Variants in ETF1 observed in about 807,000 individuals in gnomAD.
ETF1 encodes the protein eukaryotic peptide chain release factor subunit 1.
A neutral mutation model predicts 55.1 loss-of-function variants in ETF1; 4 were observed. The ratio of observed to expected loss-of-function variants is 0.07; its 90% CI spans 0.04 to 0.17. The LOEUF (loss-of-function observed/expected upper bound fraction) is 0.17, where lower values mean the gene tolerates loss of function less well. Among genes scored for constraint, ETF1 ranks in the 10% least tolerant of loss-of-function variants. The pLI, the probability that ETF1 is intolerant of heterozygous loss-of-function variation, is 1.00. For synonymous variants in ETF1, 157 were observed against 182.3 expected (o/e 0.86, Z 1.12); for missense variants, 142 against 523.6 (o/e 0.27, Z 7.11).
chr5:138,528,283 G>C (rs1765560856), intron 2 of ETF1, among the ~76,000 whole-genome samples: 1 of 152,204 alleles, frequency 6.6e-6, no homozygotes, highest in Non-Finnish European at 1.5e-5. Flanking sequence ...AATTAACTGA[G>C]AGAACTCAAA....
intron 2 of ETF1, among the ~76,000 whole-genome samples, chr5:138,527,648 T>C (rs1216094929): frequency 6.6e-6 from 1 of 152,170 alleles, no homozygotes; most frequent in Admixed American, 6.6e-5. Flanking sequence ...GGTCCACTCA[T>C]GCACAGGGAG....
At chr5:138,526,194 C>A (rs1479458552) in intron 2 of ETF1, among the ~76,000 whole-genome samples, 2 of 152,050 alleles carry the variant, frequency 1.3e-5, no homozygotes, top group African/African-American at 4.8e-5. Context: ...TATCCAGAGT[C>A]CAGTGGAAGC....
chr5:138,542,972 C>A (rs1766250917), intron 1 of ETF1, 36 bp from the exon 2 acceptor site: 11 of 1,595,492 alleles, frequency 6.9e-6, no homozygotes, highest in African/African-American at 1.3e-5. Context: ...GACACCAAGA[C>A]CACAGAGTTA....
intron 2 of ETF1, among the ~76,000 whole-genome samples, chr5:138,538,947 G>A (rs181109657): frequency 6.6e-6 from 1 of 152,242 alleles, no homozygotes; most frequent in East Asian, 1.9e-4. Context: ...GGTTATATTT[G>A]GGGGCAGGAA....
chr5:138,508,631 C>T (rs1764646385), intron 10 of ETF1, 38 bp downstream of exon 10: 2 of 1,610,236 alleles, frequency 1.2e-6, no homozygotes, highest in Non-Finnish European at 1.7e-6. Context: ...TGACCTGAGA[C>T]CCTGGTTTTA....
chr5:138,512,225 A>AAAT (rs1764823149), intron 6 of ETF1, among the ~76,000 whole-genome samples: 1 of 44,128 alleles, frequency 2.3e-5, no homozygotes, highest in Non-Finnish European at 3.4e-5. Flanking sequence ...AAAAAAAAAA[A>AAAT]ATATATATAT....
chr5:138,514,560 A>C (rs1449348997), intron 4 of ETF1, among the ~76,000 whole-genome samples: 1 of 149,126 alleles, frequency 6.7e-6, no homozygotes, highest in African/African-American at 2.5e-5. Context: ...AAAAACTTTA[A>C]CTTGTTCCTT....
chr5:138,540,931 A>C (rs1368029684), intron 2 of ETF1, among the ~76,000 whole-genome samples: 1 of 152,256 alleles, frequency 6.6e-6, no homozygotes, highest in East Asian at 1.9e-4. Flanking sequence ...GCTGTTACTT[A>C]TTAAGCAATG....
intron 2 of ETF1, among the ~76,000 whole-genome samples, chr5:138,522,984 C>T (rs1765296582): frequency 2.0e-5 from 3 of 150,562 alleles, no homozygotes; most frequent in East Asian, 2.0e-4. Context: ...CTGGTTGGGG[C>T]GAAAGAGCAA....
intron 2 of ETF1, among the ~76,000 whole-genome samples, chr5:138,526,260 G>A (rs1055702572): frequency 9.2e-5 from 14 of 152,144 alleles, no homozygotes; most frequent in African/African-American, 3.1e-4. Context: ...ATGGGCTTAC[G>A]TGTTAAGTGA....
Position 138,513,617 on chromosome 5 carries a change from G to A in ETF1, c.492C>T (p.Asn164=), listed in dbSNP as rs777863501. The change falls in exon 5 of 11, where the codon AAC becomes AAT. Residue 164 remains asparagine (N), a synonymous_variant. Transcript: ENST00000360541. Reference sequence around the variant, plus strand: ...TGAATTTGTGCAGGACTTCTCTTGTGTTTCCTTGGAGTGTGCCAAAAAGTG... The same window carrying A: ...TGAATTTGTGCAGGACTTCTCTTGTATTTCCTTGGAGTGTGCCAAAAAGTG... The part of the protein sequence containing the change: ...SGALFGTLQG[N]TREVLHKFTV... The A allele has an allele frequency of 1.5e-5, 24 of 1,610,860 alleles. No individual in the cohort carries two copies. Among genetic ancestry groups the A allele is most frequent in the African/African-American group, 2.7e-5 (2 of 74,912 alleles).
At chr5:138,533,800 C>G (rs1765803970) in intron 2 of ETF1, among the ~76,000 whole-genome samples, 1 of 152,184 alleles carries the variant, frequency 6.6e-6, no homozygotes, top group African/African-American at 2.4e-5. Context: ...TTCAAACCAT[C>G]ATACTATATT....
At chr5:138,509,283 A>G (rs1363971634) in intron 9 of ETF1, 1 of 541,676 alleles carries the variant, frequency 1.8e-6, no homozygotes, top group African/African-American at 2.1e-5. Context: ...GTTGTGATGC[A>G]CTTAGAGCAA....
At chr5:138,519,979 G>A (rs1266240131) in intron 2 of ETF1, among the ~76,000 whole-genome samples, 7 of 145,554 alleles carry the variant, frequency 4.8e-5, no homozygotes, top group South Asian at 2.3e-4. Context: ...TGTTAAATGC[G>A]TATCTCAAAA....
chr5:138,525,312 C>T (rs1038435373), intron 2 of ETF1, among the ~76,000 whole-genome samples: 2 of 152,002 alleles, frequency 1.3e-5, no homozygotes, highest in African/African-American at 4.8e-5. Context: ...CGTGCGCCAC[C>T]ACGCCTGGCT....
chr5:138,518,310 A>G (rs1007126285), intron 3 of ETF1, among the ~76,000 whole-genome samples: 4 of 151,706 alleles, frequency 2.6e-5, no homozygotes, highest in Admixed American at 1.3e-4. Flanking sequence ...TCCCGGGTCC[A>G]GTTGATTCTC....
At chr5:138,537,680 CG>C (rs1765996033) in intron 2 of ETF1, among the ~76,000 whole-genome samples, 1 of 151,284 alleles carries the variant, frequency 6.6e-6, no homozygotes, top group East Asian at 1.9e-4. Context: ...CTCCGCCTCC[CG>C]GGTTCAAGCC....
chr5:138,534,954 A>C lies in ETF1; in HGVS notation c.86+7879T>G, dbSNP rs1393689790. Among the ~76,000 whole-genome samples the C allele has an allele frequency of 6.7e-5, 10 of 148,854 alleles. No homozygotes were observed. In the Admixed American group the frequency reaches 6.8e-4, roughly 10 times the overall value. On this transcript the variant is annotated intron_variant, in intron 2 of 10. Transcript: ENST00000360541. The stretch of plus-strand genomic sequence containing the variant: ...CAAATGTATGCTTACTCATCCTCAG[A>C]AAACTAGTTTCTTTTTTTTTTTTTT...
In ETF1 at chr5:138,542,537, G is replaced by A. The variant is rs1169587745; in HGVS notation, c.86+296C>T. On this transcript the variant is annotated intron_variant, in intron 2 of 10. Coordinates refer to ENST00000360541, the MANE Select transcript of ETF1 (RefSeq NM_004730.4). ...GCAGCACCTGGAGCCCGAAGAGGGA[G>A]GACCTGGACTTAAGGGCCCGGGAGA... The A allele has an allele frequency of 5.8e-6, 6 of 1,038,546 alleles. No individual in the cohort carries two copies. In the East Asian group the frequency reaches 1.1e-4, roughly 18 times the overall value. 64.3% of individuals were successfully genotyped at this position (1,038,546 alleles called of 1,614,324 possible).
Sources: gnomAD v4.1 joint callset for allele counts (sites outside exome capture counted in the v4.1 genomes callset) on GRCh38, gnomAD v4.1.1 for gene constraint, MANE v1.5 for transcripts, NCBI Gene and HGNC (gene_info 2026-07-23, HGNC 2026-07-21) for gene names.